Variants in ADAM32 observed in about 807,000 individuals in gnomAD.
ADAM32 encodes disintegrin and metalloproteinase domain-containing protein 32.
In ADAM32, 89 loss-of-function variants were observed where a neutral mutation model predicts 114.9. The ratio of observed to expected loss-of-function variants is 0.77; its 90% CI spans 0.65 to 0.92. The LOEUF (loss-of-function observed/expected upper bound fraction) is 0.92. Ranked by LOEUF, ADAM32 falls within the 40% of genes least tolerant of loss-of-function variation. The pLI is 0.00. For synonymous variants in ADAM32, 285 were observed against 307.5 expected (o/e 0.93, Z 0.77); for missense variants, 870 against 932.8 (o/e 0.93, Z 0.88).
intron 16 of ADAM32, among the ~76,000 whole-genome samples, chr8:39,238,060 G>T (rs1810301816): frequency 6.6e-6 from 1 of 152,202 alleles, no homozygotes; most frequent in Admixed American, 6.5e-5. Flanking sequence ...CAACATTCTG[G>T]CTAACCAGAG....
intron 10 of ADAM32, among the ~76,000 whole-genome samples, chr8:39,170,664 G>T (rs1225147082): frequency 6.6e-6 from 1 of 151,796 alleles, no homozygotes; most frequent in Non-Finnish European, 1.5e-5. Context: ...ATATAATTTT[G>T]CATTTTGCCA....
In ADAM32 at chr8:39,275,856, G is replaced by A. The variant is rs758313679; in HGVS notation, c.2269G>A (p.Asp757Asn). The change falls in exon 22 of 25, where the codon GAT becomes AAT. Residue 757 changes from aspartate (D) to asparagine (N), a missense_variant. Transcript: ENST00000379907. ...QTRSESSSQA[D>N]TSKSKSEDSA... ...CAGATCAGAAAGCAGCAGTCAAGCT[G>A]ATACTAGCAAGTAAGTGAATTAGGG... 1.0e-5 allele frequency: 16 copies of A among 1,560,146 alleles called. No homozygotes were observed. Among genetic ancestry groups the A allele is most frequent in the Non-Finnish European group, 1.4e-5 (16 of 1,151,516 alleles).
intron 14 of ADAM32, among the ~76,000 whole-genome samples, chr8:39,224,732 T>C (rs1025611688): frequency 6.6e-6 from 1 of 152,192 alleles, no homozygotes; most frequent in East Asian, 1.9e-4. Flanking sequence ...TTTTCCTTTG[T>C]TGTGCAAAAG....
At chr8:39,195,013 G>T (rs1380112717) in intron 11 of ADAM32, among the ~76,000 whole-genome samples, 1 of 152,168 alleles carries the variant, frequency 6.6e-6, no homozygotes, top group Non-Finnish European at 1.5e-5. Context: ...AGAGCAGGTT[G>T]CTTCTTGCCT....
chr8:39,184,701 A>G (rs2129447071), intron 10 of ADAM32, among the ~76,000 whole-genome samples: 1 of 152,312 alleles, frequency 6.6e-6, no homozygotes, highest in African/African-American at 2.4e-5. Context: ...CTTAGTTGTG[A>G]ATCCCTGAGG....
At chr8:39,248,623 A>G (rs868161193) in intron 17 of ADAM32, among the ~76,000 whole-genome samples, 1 of 152,274 alleles carries the variant, frequency 6.6e-6, no homozygotes. Flanking sequence ...TGTTTATGTC[A>G]TATATGAACA....
Position 39,232,008 on chromosome 8 carries a change from G to A in ADAM32, c.1526-19G>A, listed in dbSNP as rs770058720. On this transcript the variant is annotated intron_variant, in intron 14 of 24. Transcript: ENST00000379907. The stretch of plus-strand genomic sequence containing the variant: ...AACCAATAAACATTTTAATCCAAAT[G>A]TATTTCTAACTTTAACAGGTTCAAG... The A allele has an allele frequency of 1.4e-5, 22 of 1,561,434 alleles. No individual in the cohort carries two copies. Among genetic ancestry groups the A allele is most frequent in the East Asian group, 6.7e-5 (3 of 44,516 alleles).
intron 2 of ADAM32, among the ~76,000 whole-genome samples, chr8:39,125,067 GT>G (rs1158652144): frequency 6.6e-6 from 1 of 152,096 alleles, no homozygotes; most frequent in African/African-American, 2.4e-5. Context: ...GTATCTGATT[GT>G]GGTTTTGATT....
intron 2 of ADAM32, among the ~76,000 whole-genome samples, chr8:39,123,960 G>A (rs1801946780): frequency 6.6e-6 from 1 of 151,738 alleles, no homozygotes; most frequent in African/African-American, 2.4e-5. Context: ...ACCTCCGTCA[G>A]CCTCTCAAAG....
chr8:39,261,263 T>G (rs1440766170), intron 19 of ADAM32, among the ~76,000 whole-genome samples: 1 of 152,192 alleles, frequency 6.6e-6, no homozygotes, highest in East Asian at 1.9e-4. Flanking sequence ...ATTCTACATT[T>G]TACTTCTGAG....
At position 39,213,010 on chromosome 8, in the gene ADAM32, C is replaced by T. The variant is rs530495419; in HGVS notation, c.1233+1686C>T. On this transcript the variant is annotated intron_variant, in intron 12 of 24. Coordinates refer to ENST00000379907, the MANE Select transcript of ADAM32 (RefSeq NM_145004.7). ...ATGATGTTGAGCATGCTCTTACTGG[C>T]GATTTTTTAAAAACAATTATTTTCA... 3.3e-5 allele frequency among the ~76,000 whole-genome samples: 5 copies of T among 151,930 alleles called. No individual in the cohort carries two copies. In the South Asian group the frequency reaches 8.3e-4, roughly 25 times the overall value.
intron 9 of ADAM32, 118 bp downstream of exon 9, chr8:39,165,314 T>G: frequency 1.2e-6 from 1 of 820,368 alleles, no homozygotes; most frequent in Admixed American, 3.7e-5. Context: ...ATTTAGTATG[T>G]GCTTTATTCA....
chr8:39,201,216 G>C lies in ADAM32; in HGVS notation c.1053-9928G>C, dbSNP rs896690480. ...TTGAATGTATAAATTACCTTGGGCA[G>C]TATGGCCATTTTCACAATATTGATT... On this transcript the variant is annotated intron_variant, in intron 11 of 24. Coordinates refer to ENST00000379907, the MANE Select transcript of ADAM32 (RefSeq NM_145004.7). 1.2e-4 allele frequency among the ~76,000 whole-genome samples: 18 copies of C among 152,312 alleles called. No individual in the cohort carries two copies. The East Asian group carries it at 3.5e-3, about 29-fold the overall frequency.
At chr8:39,193,396 C>G (rs1381669884) in intron 11 of ADAM32, among the ~76,000 whole-genome samples, 1 of 152,136 alleles carries the variant, frequency 6.6e-6, no homozygotes, top group African/African-American at 2.4e-5. Context: ...CTGTCAGCTC[C>G]TGTATCATTT....
rs1840455170 is a variant in ADAM32 at position 39,118,175 on chromosome 8, AT to A, written c.138+16del. 2 of 1,365,374 alleles carry A rather than the reference AT, an allele frequency of 1.5e-6. No homozygotes were observed. The highest frequency in any genetic ancestry group is 1.9e-6 in the Non-Finnish European group (2 of 1,026,550). The allele number at this position is 1,365,374 out of a possible 1,614,324, so 84.6% of individuals were successfully genotyped here. On this transcript the variant is annotated intron_variant, in intron 2 of 24. Transcript: ENST00000379907. Reference sequence around the variant, plus strand: ...TTCAGAAATAGAATATGTAAGAGATATTTTTTCACAATCTAAATGTTTATAT... The same window carrying A: ...TTCAGAAATAGAATATGTAAGAGATATTTTTCACAATCTAAATGTTTATAT...
At chr8:39,118,012 A>C in intron 1 of ADAM32, 74 bp from the exon 2 acceptor site, 2 of 1,030,982 alleles carry the variant, frequency 1.9e-6, no homozygotes, top group South Asian at 1.7e-5. Context: ...AGTAAACTTT[A>C]TGAAAGAAAC....
chr8:39,140,461 A>T (rs1051101393), intron 3 of ADAM32, among the ~76,000 whole-genome samples: 2 of 152,068 alleles, frequency 1.3e-5, no homozygotes, highest in African/African-American at 4.8e-5. Flanking sequence ...ACATTTATTG[A>T]TTTGCATATG....
At chr8:39,160,809 A>G (rs929421947) in intron 6 of ADAM32, 88 bp from the exon 7 acceptor site, 1 of 1,111,102 alleles carries the variant, frequency 9.0e-7, no homozygotes, top group Non-Finnish European at 1.3e-6. Flanking sequence ...ATATCTTGTA[A>G]GTGCTGTGGT....
At chr8:39,176,679 A>G (rs1239318757) in intron 10 of ADAM32, among the ~76,000 whole-genome samples, 7 of 152,050 alleles carry the variant, frequency 4.6e-5, no homozygotes, top group Admixed American at 2.0e-4. Context: ...TTGGGTGGAG[A>G]TTTCTGTAGA....
Sources: gnomAD v4.1 joint callset for allele counts (sites outside exome capture counted in the v4.1 genomes callset) on GRCh38, gnomAD v4.1.1 for gene constraint, MANE v1.5 for transcripts, NCBI Gene and HGNC (gene_info 2026-07-23, HGNC 2026-07-21) for gene names.